KCNK13: variants seen among roughly 807,000 people sequenced by gnomAD.
KCNK13 encodes potassium two pore domain channel subfamily K member 13.
A neutral mutation model predicts 23.4 loss-of-function variants in KCNK13; 12 were observed. The ratio of observed to expected loss-of-function variants is 0.51; its 90% CI spans 0.33 to 0.83. KCNK13 has a LOEUF of 0.83. Ranked by LOEUF, KCNK13 falls within the 40% of genes least tolerant of loss-of-function variation. KCNK13 has a pLI of 0.02. For missense variants in KCNK13, 463 were observed against 556.3 expected (o/e 0.83, Z 1.69); for synonymous variants, 231 against 229.5 (o/e 1.01, Z -0.06).
intron 1 of KCNK13, among the ~76,000 whole-genome samples, chr14:90,078,288 C>T (rs1021419399): frequency 2.8e-4 from 42 of 151,824 alleles, no homozygotes; most frequent in African/African-American, 9.0e-4. Flanking sequence ...GGCATGGTGG[C>T]GCACACCTGT....
At chr14:90,138,006 G>C (rs1776552281) in intron 1 of KCNK13, among the ~76,000 whole-genome samples, 1 of 152,112 alleles carries the variant, frequency 6.6e-6, no homozygotes, top group African/African-American at 2.4e-5. Context: ...TCACCCGTTG[G>C]CATCCTCTGA....
chr14:90,141,441 C>T (rs916914048), intron 1 of KCNK13, among the ~76,000 whole-genome samples: 4 of 152,240 alleles, frequency 2.6e-5, no homozygotes, highest in South Asian at 2.1e-4. Flanking sequence ...CTTATGCCCT[C>T]TTGGGTTTTT....
intron 1 of KCNK13, among the ~76,000 whole-genome samples, chr14:90,104,610 AAGG>A: frequency 6.6e-6 from 1 of 151,954 alleles, no homozygotes; most frequent in South Asian, 2.1e-4. Flanking sequence ...TTGTCTCACA[AAGG>A]TGATGTGCAT....
At chr14:90,179,476 A>C in intron 1 of KCNK13, among the ~76,000 whole-genome samples, 1 of 152,144 alleles carries the variant, frequency 6.6e-6, no homozygotes. Flanking sequence ...TAGTAGCTTT[A>C]TTCCTAGCCC....
At position 90,062,371 on chromosome 14, in the gene KCNK13, C is replaced by G. The variant is rs774711968; in HGVS notation, c.166C>G (p.Arg56Gly). The change falls in exon 1 of 2, where the codon CGC becomes GGC. Residue 56 changes from arginine (R) to glycine (G), a missense_variant. Arg to Gly is a moderately radical substitution (Grantham distance 125, BLOSUM62 -2). This residue lies in a region of KCNK13 where 153 missense variants were observed against 153.6 expected (regional missense o/e 1.00). Transcript: ENST00000282146. The surrounding 1 kb of genome is among the most constrained non-coding windows in gnomAD (Gnocchi z 4.5). The part of the protein sequence containing the change: ...ERQAKQRWEE[R>G]LANFSRGHNL... ...CCAGGCCAAGCAGCGCTGGGAGGAG[C>G]GCCTGGCCAACTTCAGCCGCGGCCA... The G allele has an allele frequency of 3.2e-6, 5 of 1,554,080 alleles. No individual in the cohort carries two copies. In the African/African-American group the frequency reaches 5.5e-5, roughly 17 times the overall value.
chr14:90,087,971 T>C (rs909051503), intron 1 of KCNK13, among the ~76,000 whole-genome samples: 1 of 152,204 alleles, frequency 6.6e-6, no homozygotes, highest in Non-Finnish European at 1.5e-5. Flanking sequence ...GATTCAATGC[T>C]ACTTCTTGCT....
intron 1 of KCNK13, among the ~76,000 whole-genome samples, chr14:90,169,563 G>A (rs905288971): frequency 7.9e-5 from 12 of 152,262 alleles, no homozygotes; most frequent in African/African-American, 2.4e-4. Flanking sequence ...GCTTTGATGG[G>A]GAACCCCTGC....
At chr14:90,153,227 A>G (rs986629237) in intron 1 of KCNK13, among the ~76,000 whole-genome samples, 5 of 152,158 alleles carry the variant, frequency 3.3e-5, no homozygotes, top group Admixed American at 1.3e-4. Flanking sequence ...TATTCCTCCC[A>G]CTGTACTCCC....
intron 1 of KCNK13, among the ~76,000 whole-genome samples, chr14:90,107,172 A>C (rs748665884): frequency 6.6e-6 from 1 of 151,956 alleles, no homozygotes; most frequent in Non-Finnish European, 1.5e-5. Flanking sequence ...GATGGTGCAC[A>C]TTTGGTTACT....
rs550605532 is a variant in KCNK13 at position 90,185,667 on chromosome 14, A to G, written c.*664A>G. The G allele has an allele frequency of 6.6e-6, 1 of 152,248 alleles. No homozygotes were observed. Among genetic ancestry groups the G allele is most frequent in the Non-Finnish European group, 1.5e-5 (1 of 68,058 alleles). The allele number at this position is 152,248 out of a possible 1,614,324, so 9.4% of individuals were successfully genotyped here. ...ATTCAGCTTCAGGCCTTTAAACTGC[A>G]GCAAGATGGTGGTGTAGGGGTGTGG... On this transcript the variant is annotated 3_prime_UTR_variant, in exon 2 of 2. Coordinates refer to ENST00000282146, the MANE Select transcript of KCNK13 (RefSeq NM_022054.4).
intron 1 of KCNK13, among the ~76,000 whole-genome samples, chr14:90,094,701 G>A (rs1208132206): frequency 7.2e-6 from 1 of 139,358 alleles, no homozygotes; most frequent in African/African-American, 2.8e-5. Flanking sequence ...AGGCTGGAGT[G>A]CAGTGGCGCG....
intron 1 of KCNK13, among the ~76,000 whole-genome samples, chr14:90,093,264 A>G (rs1026890700): frequency 2.6e-5 from 4 of 152,164 alleles, no homozygotes; most frequent in Admixed American, 6.5e-5. Context: ...GTCACCCTCA[A>G]AGCCTCAGAT....
intron 1 of KCNK13, among the ~76,000 whole-genome samples, chr14:90,152,024 G>T (rs1489759751): frequency 6.6e-6 from 1 of 152,086 alleles, no homozygotes; most frequent in Non-Finnish European, 1.5e-5. Flanking sequence ...GGTTACAGTA[G>T]CTGATATGGT....
At position 90,062,435 on chromosome 14, in the gene KCNK13, A is replaced by G. The variant is rs762830530; in HGVS notation, c.230A>G (p.His77Arg). The G allele has an allele frequency of 5.8e-6, 9 of 1,547,430 alleles. No individual in the cohort carries two copies. The highest frequency in any genetic ancestry group is 7.9e-6 in the Non-Finnish European group (9 of 1,146,196). ...GACGAGCTGCGCGGCTTCCTCCGCC[A>G]CTACGAGGAGGCCACTCGGGCCGGC... ...SRDELRGFLR[H>R]YEEATRAGIR... Residue 77 changes from histidine (H) to arginine (R), a missense_variant, in exon 1 of 2, where the codon CAC (histidine) becomes CGC (arginine). Physicochemically the swap from His to Arg is conservative, Grantham distance 29. Around this residue, in one of 3 missense-constraint regions of KCNK13, gnomAD observed 153 missense variants for 153.6 expected, o/e 1.00. Coordinates refer to ENST00000282146, the MANE Select transcript of KCNK13 (RefSeq NM_022054.4). This position sits in a 1 kb window ranked among gnomAD's most constrained non-coding sequence, Gnocchi z 4.5.
intron 1 of KCNK13, among the ~76,000 whole-genome samples, chr14:90,074,302 G>A (rs924911443): frequency 6.6e-6 from 1 of 152,196 alleles, no homozygotes; most frequent in Admixed American, 6.5e-5. Flanking sequence ...CAGAGCAGAA[G>A]AACTTGATAT....
intron 1 of KCNK13, among the ~76,000 whole-genome samples, chr14:90,065,137 T>A (rs114712210): frequency 0.021 from 3,169 of 152,358 alleles, 109 homozygotes; most frequent in African/African-American, 0.072. Context: ...TATATACATA[T>A]GCATTTTTAA....
chr14:90,115,052 C>T (rs1419567302), intron 1 of KCNK13, among the ~76,000 whole-genome samples: 1 of 152,190 alleles, frequency 6.6e-6, no homozygotes, highest in Non-Finnish European at 1.5e-5. Flanking sequence ...CTTCTACCAA[C>T]CCAATGCAGA....
At chr14:90,083,563 A>G (rs55639507) in intron 1 of KCNK13, among the ~76,000 whole-genome samples, 2,113 of 152,308 alleles carry the variant, frequency 0.014, 24 homozygotes, top group Middle Eastern at 0.027. Flanking sequence ...AGAGGTGATT[A>G]GGTGATGAGG....
intron 1 of KCNK13, among the ~76,000 whole-genome samples, chr14:90,166,210 G>A (rs908504246): frequency 3.2e-4 from 49 of 152,346 alleles, no homozygotes; most frequent in Non-Finnish European, 6.2e-4. Flanking sequence ...GGAAATGAGA[G>A]AGGAGTCATA....
Sources: gnomAD v4.1 joint callset for allele counts (sites outside exome capture counted in the v4.1 genomes callset) on GRCh38, gnomAD v4.1.1 for gene constraint, gnomAD v4.1.1 regional missense constraint, Gnocchi (gnomAD v3.1) non-coding constraint, MANE v1.5 for transcripts, NCBI Gene and HGNC (gene_info 2026-07-23, HGNC 2026-07-21) for gene names.